Variants in OR9G4 observed in about 807,000 individuals in gnomAD.
The protein encoded by OR9G4 is olfactory receptor 9G4.
Under a neutral mutation model 16.7 loss-of-function variants are expected in OR9G4, and 19 were observed. The observed-to-expected ratio is 1.14, with a 90% confidence interval of 0.79 to 1.67. OR9G4 has a LOEUF of 1.67. Among genes scored for constraint, OR9G4 ranks in the 40% most tolerant of loss-of-function variants. The pLI is 0.00. For synonymous variants in OR9G4, 182 were observed against 146.2 expected (o/e 1.24, Z -1.76); for missense variants, 428 against 370.4 (o/e 1.16, Z -1.28).
At chr11:56,745,579 G>T (rs1858394756) in intron 1 of OR9G4, among the ~76,000 whole-genome samples, 1 of 151,662 alleles carries the variant, frequency 6.6e-6, no homozygotes, top group Non-Finnish European at 1.5e-5. Flanking sequence ...CAGGAGTTCA[G>T]AACCAGCCTG....
chr11:56,747,852 T>C (rs1462175118), intron 1 of OR9G4, among the ~76,000 whole-genome samples: 1 of 152,120 alleles, frequency 6.6e-6, no homozygotes, highest in Non-Finnish European at 1.5e-5. Context: ...TGTTTTGTAT[T>C]TTTAGTAAAG....
Position 56,743,063 on chromosome 11 carries a change from T to A in OR9G4, c.704A>T (p.His235Leu), listed in dbSNP as rs1035687190. 1.3e-5 allele frequency: 21 copies of A among 1,614,026 alleles called. No homozygotes were observed. Among genetic ancestry groups the A allele is most frequent in the African/African-American group, 2.7e-5 (2 of 74,918 alleles). Residue 235 changes from histidine (H) to leucine (L), a missense_variant, in exon 2 of 2, where the codon CAC becomes CTC. Coordinates refer to ENST00000641668, the MANE Select transcript of OR9G4 (RefSeq NM_001005284.2). The stretch of plus-strand genomic sequence containing the variant: ...GGAAGCACAGGTGGAGAATGCCTTG[T>A]GTCTTCCTGAAGCTGAGTGGATTCT... ...ILRIHSASGR[H>L]KAFSTCASHL...
chr11:56,747,478 A>G (rs1488064300), intron 1 of OR9G4, among the ~76,000 whole-genome samples: 1 of 151,950 alleles, frequency 6.6e-6, no homozygotes, highest in Non-Finnish European at 1.5e-5. Context: ...ACTCCTGTTT[A>G]TTAAATCTAT....
At position 56,741,321 on chromosome 11, in the gene OR9G4, A is replaced by T. The variant is rs908762641; in HGVS notation, c.*1507T>A. 2 of 171,764 alleles carry T rather than the reference A, an allele frequency of 1.2e-5. No individual in the cohort carries two copies. The highest frequency in any genetic ancestry group is 4.8e-5 in the African/African-American group (2 of 41,704). The allele number at this position is 171,764 out of a possible 1,614,324, so 10.6% of individuals were successfully genotyped here. ...AATTGAATACTGATACAGTTTTTAA[A>T]ATTCAGTATCTCCGATTAATGCAAA... On this transcript the variant is annotated 3_prime_UTR_variant, in exon 2 of 2. Coordinates refer to ENST00000641668, the MANE Select transcript of OR9G4 (RefSeq NM_001005284.2).
chr11:56,743,458 A>G lies in OR9G4; in HGVS notation c.309T>C (p.Phe103=), dbSNP rs771484133. Residue 103 remains phenylalanine, a synonymous_variant, in exon 2 of 2, where the codon TTT becomes TTC. Transcript: ENST00000641668. ...SLAGCGAQLF[F]SCVVAYTECY... is the part of the protein sequence containing the mutation. ...ATTCAGTGTAGGCTACAACACAGGAAAAAAACAGCTGAGCCCCACATCCAG... is the reference window on the plus strand; with the variant it reads ...ATTCAGTGTAGGCTACAACACAGGAGAAAAACAGCTGAGCCCCACATCCAG... The G allele has an allele frequency of 1.2e-6, 2 of 1,614,138 alleles. No individual in the cohort carries two copies. The highest frequency in any genetic ancestry group is 2.2e-5 in the South Asian group (2 of 91,082).
rs1327814896 is a variant in OR9G4 at position 56,741,829 on chromosome 11, A to C, written c.*999T>G. The C allele has an allele frequency of 1.3e-5, 2 of 152,238 alleles. No homozygotes were observed. Among genetic ancestry groups the C allele is most frequent in the Admixed American group, 1.3e-4 (2 of 15,286 alleles). The allele number at this position is 152,238 out of a possible 1,614,324, so 9.4% of individuals were successfully genotyped here. A position where few individuals can be genotyped will look rare whatever the true frequency, so the allele number is the denominator to read the frequency against. On this transcript the variant is annotated 3_prime_UTR_variant, in exon 2 of 2. Coordinates refer to ENST00000641668, the MANE Select transcript of OR9G4 (RefSeq NM_001005284.2). ...GCCATCTTCTAAAGGCTACTAAATG[A>C]AATATCAACCCAACCTGCCATCACA...
chr11:56,748,043 C>G (rs1441965138), intron 1 of OR9G4, among the ~76,000 whole-genome samples: 2 of 152,180 alleles, frequency 1.3e-5, no homozygotes, highest in South Asian at 2.1e-4. Context: ...ACTTTCCCAG[C>G]ACAGTGTACT....
rs1858301725 is a variant in OR9G4 at position 56,741,658 on chromosome 11, C to T, written c.*1170G>A. ...CAAGTAAAGACAAATGAAATGGCTA[C>T]AACTATTTGTCCTAAATTTTCAAAA... On this transcript the variant is annotated 3_prime_UTR_variant, in exon 2 of 2. Transcript: ENST00000641668. 6.6e-6 allele frequency: 1 copy of T among 152,192 alleles called. No individual in the cohort carries two copies. The highest frequency in any genetic ancestry group is 2.4e-5 in the African/African-American group (1 of 41,458). The allele number at this position is 152,192 out of a possible 1,614,324, so 9.4% of individuals were successfully genotyped here.
intron 1 of OR9G4, among the ~76,000 whole-genome samples, chr11:56,746,355 T>C (rs1858416373): frequency 6.6e-6 from 1 of 150,948 alleles, no homozygotes; most frequent in Non-Finnish European, 1.5e-5. Context: ...TTCTAAACAC[T>C]GCATTTCTTA....
At chr11:56,745,993 C>G (rs531357500) in intron 1 of OR9G4, among the ~76,000 whole-genome samples, 110 of 151,754 alleles carry the variant, frequency 7.2e-4, no homozygotes, top group Non-Finnish European at 1.5e-3. Flanking sequence ...TTCTTGTGTC[C>G]TTAAAATACA....
chr11:56,743,628 T>C lies in OR9G4; in HGVS notation c.139A>G (p.Ile47Val), dbSNP rs148960444. 404 of 1,613,948 alleles carry C rather than the reference T, an allele frequency of 2.5e-4. 1 individual carries two copies. The highest frequency in any genetic ancestry group is 5.6e-5 in the Non-Finnish European group (66 of 1,179,966). Residue 47 changes from isoleucine to valine, a missense_variant, in exon 2 of 2, where the codon ATC becomes GTC. Coordinates refer to ENST00000641668, the MANE Select transcript of OR9G4 (RefSeq NM_001005284.2). ...AAGTGGGAATCAGTTCGGATTAAGA[T>C]AACCAAGGTCATGTTTCCTGACAAG... ...ITLSGNMTLV[I>V]LIRTDSHLHT...
chr11:56,744,078 T>C (rs1858365227), intron 1 of OR9G4: 1 of 370,934 alleles, frequency 2.7e-6, no homozygotes, highest in Non-Finnish European at 4.8e-6. Context: ...ACTTCTTCTT[T>C]TTTTTTTGAG....
In OR9G4 at chr11:56,743,323, G is replaced by A. The variant is rs759076175; in HGVS notation, c.444C>T (p.Ser148=). Residue 148 remains serine, a synonymous_variant, in exon 2 of 2, where the codon TCC becomes TCT. Coordinates refer to ENST00000641668, the MANE Select transcript of OR9G4 (RefSeq NM_001005284.2). ...TALCTGLVAG[S]YIGGFLNAIA... is the part of the protein sequence containing the mutation. Reference sequence around the variant, plus strand: ...TGGCATTCAAAAATCCTCCTATGTAGGAGCCAGCAACAAGCCCAGTACAGA... The same window carrying A: ...TGGCATTCAAAAATCCTCCTATGTAAGAGCCAGCAACAAGCCCAGTACAGA... 4.2e-5 allele frequency: 68 copies of A among 1,614,036 alleles called. No individual in the cohort carries two copies. Among genetic ancestry groups the A allele is most frequent in the Middle Eastern group, 1.6e-4 (1 of 6,084 alleles).
rs1285703005 is a variant in OR9G4, at chr11:56,743,751, A to G, written c.16T>C (p.Cys6Arg). Reference sequence around the variant, plus strand: ...AAGATGAATTCAGTCAGGATGGTGCAATTTCCCACTTCCATGTCCACGGAG... The same window carrying G: ...AAGATGAATTCAGTCAGGATGGTGCGATTTCCCACTTCCATGTCCACGGAG... Reference protein sequence around the residue: MEVGNCTILTEFILLG... With the variant: MEVGNRTILTEFILLG... The change falls in exon 2 of 2, where the codon TGC becomes CGC. Residue 6 changes from cysteine (C) to arginine (R), a missense_variant. Transcript: ENST00000641668. 8.1e-6 allele frequency: 13 copies of G among 1,614,016 alleles called. No individual in the cohort carries two copies. Among genetic ancestry groups the G allele is most frequent in the Non-Finnish European group, 1.0e-5 (12 of 1,179,922 alleles).
rs1858328995 is a variant in OR9G4, at chr11:56,743,089, C to T, written c.678G>A (p.Leu226=). 3.7e-6 allele frequency: 6 copies of T among 1,614,010 alleles called. No homozygotes were observed. The African/African-American group carries it at 5.3e-5, about 14-fold the overall frequency. ...GTCTTCCTGAAGCTGAGTGGATTCT[C>T]AGGATAGCCAGGAGGATGTTGACAT... ...ISYVNILLAI[L]RIHSASGRHK... is the part of the protein sequence containing the mutation. The change falls in exon 2 of 2, where the codon CTG becomes CTA. Residue 226 remains leucine (L), a synonymous_variant. Coordinates refer to ENST00000641668, the MANE Select transcript of OR9G4 (RefSeq NM_001005284.2).
intron 1 of OR9G4, among the ~76,000 whole-genome samples, chr11:56,748,188 C>T (rs996708224): frequency 1.3e-5 from 2 of 152,198 alleles, no homozygotes; most frequent in African/African-American, 4.8e-5. Context: ...GCTAAAGAAT[C>T]TTCTATAGAA....
chr11:56,744,505 ATTG>A (rs1403311659), intron 1 of OR9G4, among the ~76,000 whole-genome samples: 1 of 152,210 alleles, frequency 6.6e-6, no homozygotes, highest in Non-Finnish European at 1.5e-5. Flanking sequence ...AAGTATTTGT[ATTG>A]TTAAGTATTA....
chr11:56,743,353 G>T lies in OR9G4; in HGVS notation c.414C>A (p.Thr138=). The change falls in exon 2 of 2, where the codon ACC becomes ACA. Residue 138 remains threonine, a synonymous_variant. Transcript: ENST00000641668. ...NPLLYSGTMS[T]ALCTGLVAGS... ...CAGCAACAAGCCCAGTACAGAGGGCGGTGGACATGGTACCTGAATAAAGCA... is the reference window on the plus strand; with the variant it reads ...CAGCAACAAGCCCAGTACAGAGGGCTGTGGACATGGTACCTGAATAAAGCA... 1 of 1,614,146 alleles carries T rather than the reference G, an allele frequency of 6.2e-7. No homozygotes were observed. Among genetic ancestry groups the T allele is most frequent in the Non-Finnish European group, 8.5e-7 (1 of 1,180,032 alleles).
intron 1 of OR9G4, 136 bp from the exon 2 acceptor site, chr11:56,743,924 TC>T: frequency 1.0e-6 from 1 of 1,001,440 alleles, no homozygotes; most frequent in Non-Finnish European, 1.5e-6. Context: ...AGGACTTCAG[TC>T]CATGATTTGG....
Sources: gnomAD v4.1 joint callset for allele counts (sites outside exome capture counted in the v4.1 genomes callset) on GRCh38, gnomAD v4.1.1 for gene constraint, MANE v1.5 for transcripts, NCBI Gene and HGNC (gene_info 2026-07-23, HGNC 2026-07-21) for gene names.